The following SNCAIP variants were observed in gnomAD, a reference collection of about 807,000 sequenced individuals.
The protein encoded by SNCAIP is synuclein alpha interacting protein, also known as synphilin-1.
A neutral mutation model predicts 86.7 loss-of-function variants in SNCAIP; 43 were observed. The ratio of observed to expected loss-of-function variants is 0.50; its 90% CI spans 0.39 to 0.64. The LOEUF is 0.64. SNCAIP is among the 30% of genes least tolerant of loss of function. The probability of loss-of-function intolerance (pLI) is 0.00; values close to 1 mark genes in which losing one functional copy is unlikely to be tolerated. For missense variants in SNCAIP, 981 were observed against 1,103.1 expected, an observed-to-expected ratio of 0.89 and a Z score of 1.57; for synonymous variants, 417 against 427.2, an observed-to-expected ratio of 0.98 and a Z score of 0.29.
intron 1 of SNCAIP, among the ~76,000 whole-genome samples, chr5:122,373,005 T>A (rs935837212): frequency 9.8e-5 from 15 of 152,322 alleles, no homozygotes; most frequent in African/African-American, 3.1e-4. Context: ...GCTCTCATTT[T>A]TAATTTGTCA....
At chr5:122,400,331 G>A (rs1165881835) in intron 2 of SNCAIP, among the ~76,000 whole-genome samples, 1 of 152,232 alleles carries the variant, frequency 6.6e-6, no homozygotes, top group Non-Finnish European at 1.5e-5. Flanking sequence ...TCTAGTGTTA[G>A]TATAAAGGCC....
At chr5:122,392,320 C>T (rs1335438644) in intron 2 of SNCAIP, among the ~76,000 whole-genome samples, 1 of 151,830 alleles carries the variant, frequency 6.6e-6, no homozygotes, top group Non-Finnish European at 1.5e-5. Context: ...TTTTATTAGT[C>T]CTCATTAAAA....
intron 1 of SNCAIP, among the ~76,000 whole-genome samples, chr5:122,346,661 A>T (rs775673071): frequency 6.6e-6 from 1 of 152,098 alleles, no homozygotes; most frequent in Non-Finnish European, 1.5e-5. Flanking sequence ...AAAATTAGGG[A>T]TAAGCTAGAC....
intron 3 of SNCAIP, among the ~76,000 whole-genome samples, chr5:122,411,622 A>G (rs1774144246): frequency 6.6e-6 from 1 of 151,926 alleles, no homozygotes; most frequent in African/African-American, 2.4e-5. Flanking sequence ...CTAGAATCTC[A>G]TAGTTGAAGG....
At chr5:122,357,878 C>A (rs1267037940) in intron 1 of SNCAIP, among the ~76,000 whole-genome samples, 1 of 152,056 alleles carries the variant, frequency 6.6e-6, no homozygotes, top group African/African-American at 2.4e-5. Flanking sequence ...CAGAACATTT[C>A]CATAAGCCAG....
At chr5:122,384,572 T>G (rs920844219) in intron 1 of SNCAIP, among the ~76,000 whole-genome samples, 4 of 152,182 alleles carry the variant, frequency 2.6e-5, no homozygotes, top group African/African-American at 7.2e-5. Context: ...GACATTTGTC[T>G]CCCAGCATCT....
At chr5:122,375,471 CT>C (rs35995238) in intron 1 of SNCAIP, among the ~76,000 whole-genome samples, 1,342 of 115,460 alleles carry the variant, frequency 0.012, 4 homozygotes, top group Middle Eastern at 0.019. Flanking sequence ...TAGATTTTTG[CT>C]TTTTTTTTTT....
intron 8 of SNCAIP, among the ~76,000 whole-genome samples, chr5:122,448,670 T>TTTTTATATATATAA (rs1561796832): frequency 1.0e-4 from 10 of 97,574 alleles, no homozygotes; most frequent in Admixed American, 4.4e-4. Flanking sequence ...ATTATATATA[T>TTTTTATATATATAA]TATATATGTT....
chr5:122,315,338 C>G (rs1351310912), intron 1 of SNCAIP, among the ~76,000 whole-genome samples: 9 of 152,174 alleles, frequency 5.9e-5, no homozygotes, highest in Admixed American at 5.9e-4. Flanking sequence ...CTCCCCTTGG[C>G]TTCTTTACAT....
chr5:122,453,076 G>A, intron 10 of SNCAIP: 2 of 853,180 alleles, frequency 2.3e-6, no homozygotes, highest in East Asian at 2.7e-5. Flanking sequence ...CATGGACTTG[G>A]AGCACCTTTC....
chr5:122,422,291 T>C (rs1157585725), intron 3 of SNCAIP, among the ~76,000 whole-genome samples: 2 of 152,164 alleles, frequency 1.3e-5, no homozygotes, highest in Non-Finnish European at 2.9e-5. Context: ...CTGTATTCCT[T>C]CCTATTCTTT....
At chr5:122,341,454 C>T (rs1435936301) in intron 1 of SNCAIP, among the ~76,000 whole-genome samples, 2 of 152,132 alleles carry the variant, frequency 1.3e-5, no homozygotes, top group Non-Finnish European at 2.9e-5. Flanking sequence ...GTTACATTCA[C>T]CAAAGGGAAC....
At chr5:122,375,774 C>G (rs1765185327) in intron 1 of SNCAIP, among the ~76,000 whole-genome samples, 1 of 151,840 alleles carries the variant, frequency 6.6e-6, no homozygotes, top group Non-Finnish European at 1.5e-5. Flanking sequence ...GACCTAAGAC[C>G]CTCTGAGATT....
chr5:122,367,667 G>A (rs1449776254), intron 1 of SNCAIP, among the ~76,000 whole-genome samples: 1 of 152,128 alleles, frequency 6.6e-6, no homozygotes, highest in East Asian at 1.9e-4. Flanking sequence ...CAAAGACAGT[G>A]CATTCAGAAT....
At chr5:122,436,929 GA>G (rs1310150078) in intron 6 of SNCAIP, 1 of 152,114 alleles carries the variant, frequency 6.6e-6, no homozygotes, top group African/African-American at 2.4e-5. Context: ...AACTATATAA[GA>G]GGAGTTTTCA....
chr5:122,439,397 T>G (rs1780285819), intron 6 of SNCAIP, among the ~76,000 whole-genome samples: 2 of 152,206 alleles, frequency 1.3e-5, no homozygotes, highest in African/African-American at 4.8e-5. Flanking sequence ...GATTACATTG[T>G]TCTCATCATG....
chr5:122,348,078 A>C (rs1758982187), intron 1 of SNCAIP, among the ~76,000 whole-genome samples: 1 of 152,126 alleles, frequency 6.6e-6, no homozygotes, highest in Non-Finnish European at 1.5e-5. Flanking sequence ...AATATATTTC[A>C]ATTTTCCTCA....
At position 122,377,513 on chromosome 5, in the gene SNCAIP, AG is replaced by A. The variant is rs1445803127; in HGVS notation, c.-46-13575del. Among the ~76,000 whole-genome samples the A allele has an allele frequency of 3.3e-5, 5 of 151,908 alleles. No individual in the cohort carries two copies. In the East Asian group the frequency reaches 9.7e-4, roughly 29 times the overall value. On this transcript the variant is annotated intron_variant, in intron 1 of 10. Transcript: ENST00000261368. ...GACAGACAGAGAGAGAGAGAGAGAG[AG>A]AGAGAGAAAGAAAGAAAGAGAGATC...
intron 1 of SNCAIP, among the ~76,000 whole-genome samples, chr5:122,313,514 A>G (rs1457661365): frequency 4.6e-5 from 7 of 152,214 alleles, no homozygotes; most frequent in Non-Finnish European, 1.0e-4. Context: ...GGAAAAACCT[A>G]TTTTTCTTTT....
Sources: allele counts gnomAD v4.1 joint callset (sites outside exome capture counted in the v4.1 genomes callset), GRCh38; gene constraint gnomAD v4.1.1; transcripts MANE v1.5; gene names NCBI Gene and HGNC (gene_info 2026-07-23, HGNC 2026-07-21).